The following FOXF1 variants were observed in gnomAD, a reference collection of about 807,000 sequenced individuals.
The protein encoded by FOXF1 is forkhead box protein F1.
A neutral mutation model predicts 26.6 loss-of-function variants in FOXF1; 9 were observed. That is an observed-to-expected ratio of 0.34 (90% confidence interval 0.20 to 0.59). The LOEUF is 0.59. Among genes scored for constraint, FOXF1 ranks in the 20% least tolerant of loss-of-function variants. The pLI is 0.83. For missense variants in FOXF1, 499 were observed against 549.9 expected (o/e 0.91, Z 0.93); for synonymous variants, 330 against 257.7 (o/e 1.28, Z -2.69).
chr16:86,510,599 A>G lies in FOXF1; in HGVS notation c.30A>G (p.Pro10=). The change falls in exon 1 of 2, where the codon CCA becomes CCG. Residue 10 remains proline, a synonymous_variant. Coordinates refer to ENST00000262426, the MANE Select transcript of FOXF1 (RefSeq NM_001451.3). ...CTTCGGCGCCCGAGAAGCAGCAGCC[A>G]CCGCACGGCGGCGGCGGCGGCGGCG... is the stretch of plus-strand genomic sequence containing the variant. The part of the protein sequence containing the change: MSSAPEKQQ[P]PHGGGGGGGG... The G allele has an allele frequency of 4.3e-6, 6 of 1,380,300 alleles. No homozygotes were observed. The highest frequency in any genetic ancestry group is 5.6e-6 in the Non-Finnish European group (6 of 1,076,416). The allele number at this position is 1,380,300 out of a possible 1,614,324, so 85.5% of individuals were successfully genotyped here.
In FOXF1 at chr16:86,511,088, G is replaced by T; in HGVS notation, c.519G>T (p.Gln173His). ...ACCTCCCGGACACCTACGGCTTCCA[G>T]GGCTCGGCCGGCGGCCTCTCGTGCC... Reference protein sequence around the residue: ...FNHLPDTYGFQGSAGGLSCPP... With the variant: ...FNHLPDTYGFHGSAGGLSCPP... The change falls in exon 1 of 2, where the codon CAG (glutamine) becomes CAT (histidine). Residue 173 changes from glutamine to histidine, a missense_variant. By Grantham distance (24) the Gln-to-His change is conservative. Coordinates refer to ENST00000262426, the MANE Select transcript of FOXF1 (RefSeq NM_001451.3). 6.2e-7 allele frequency: 1 copy of T among 1,608,420 alleles called. No individual in the cohort carries two copies. The highest frequency in any genetic ancestry group is 8.5e-7 in the Non-Finnish European group (1 of 1,179,852).
chr16:86,512,888 C>G (rs1461986984), intron 1 of FOXF1, 37 bp from the exon 2 acceptor site: 1 of 1,612,816 alleles, frequency 6.2e-7, no homozygotes, highest in Non-Finnish European at 8.5e-7. Context: ...GCTAACTCTT[C>G]TGCTCCCCCA....
Position 86,510,585 on chromosome 16 carries a change from G to A in FOXF1, c.16G>A (p.Glu6Lys). The change falls in exon 1 of 2, where the codon GAG (glutamate) becomes AAG (lysine). Residue 6 changes from glutamate (E) to lysine (K), a missense_variant. Glu to Lys is a moderately conservative substitution (Grantham distance 56, BLOSUM62 1). This residue lies in a region of FOXF1 where 76 missense variants were observed against 78.9 expected (regional missense o/e 0.96). Coordinates refer to ENST00000262426, the MANE Select transcript of FOXF1 (RefSeq NM_001451.3). ...CAGCCACCCGATGTCTTCGGCGCCC[G>A]AGAAGCAGCAGCCACCGCACGGCGG... MSSAP[E>K]KQQPPHGGGG... 7.3e-7 allele frequency: 1 copy of A among 1,376,126 alleles called. No homozygotes were observed. Among genetic ancestry groups the A allele is most frequent in the South Asian group, 1.8e-5 (1 of 55,684 alleles). The allele number at this position is 1,376,126 out of a possible 1,614,324, so 85.2% of individuals were successfully genotyped here.
rs1408160878 is a variant in FOXF1 at position 86,511,076 on chromosome 16, C to T, written c.507C>T (p.Thr169=). The T allele has an allele frequency of 3.1e-6, 5 of 1,609,994 alleles. No individual in the cohort carries two copies. The highest frequency in any genetic ancestry group is 1.7e-5 in the Admixed American group (1 of 60,032). Reference sequence around the variant, plus strand: ...TCGGCTTCAACCACCTCCCGGACACCTACGGCTTCCAGGGCTCGGCCGGCG... The same window carrying T: ...TCGGCTTCAACCACCTCCCGGACACTTACGGCTTCCAGGGCTCGGCCGGCG... ...NGLGFNHLPD[T]YGFQGSAGGL... is the part of the protein sequence containing the mutation. The change falls in exon 1 of 2, where the codon ACC becomes ACT. Residue 169 remains threonine (T), a synonymous_variant. Transcript: ENST00000262426.
At chr16:86,512,903 C>T (rs746857717) in intron 1 of FOXF1, 22 bp from the exon 2 acceptor site, 1 of 1,613,854 alleles carries the variant, frequency 6.2e-7, no homozygotes. Flanking sequence ...CCCCCAACCC[C>T]TCCTGTCGCC....
At chr16:86,512,818 G>A in intron 1 of FOXF1, 107 bp from the exon 2 acceptor site, 1 of 1,357,446 alleles carries the variant, frequency 7.4e-7, no homozygotes, top group Non-Finnish European at 1.0e-6. Flanking sequence ...GAGCCAGGCT[G>A]ACAGGCCCTG....
At position 86,513,864 on chromosome 16, in the gene FOXF1, C is replaced by G. The variant is rs532342471; in HGVS notation, c.*779C>G. On this transcript the variant is annotated 3_prime_UTR_variant, in exon 2 of 2. Transcript: ENST00000262426. ...TGTTTTGTCTTGAATTTTATTTAGA[C>G]TTTTTCAGTGGGTATTTTTCTGTCT... 8 of 152,368 alleles carry G rather than the reference C, an allele frequency of 5.3e-5. No individual in the cohort carries two copies. The South Asian group carries it at 1.7e-3, about 32-fold the overall frequency. The allele number at this position is 152,368 out of a possible 1,614,324, so 9.4% of individuals were successfully genotyped here.
Position 86,510,718 on chromosome 16 carries a change from C to G in FOXF1, c.149C>G (p.Pro50Arg). ...NAGIRRPEKPPYSYIALIVMA... is the reference protein window; with the variant it reads ...NAGIRRPEKPRYSYIALIVMA... ...GGCATCCGGCGCCCGGAGAAGCCGCCCTATTCCTACATCGCGCTCATCGTC... is the reference window on the plus strand; with the variant it reads ...GGCATCCGGCGCCCGGAGAAGCCGCGCTATTCCTACATCGCGCTCATCGTC... The change falls in exon 1 of 2, where the codon CCC becomes CGC. Residue 50 changes from proline to arginine, a missense_variant. By Grantham distance (103) the Pro-to-Arg change is moderately radical. Coordinates refer to ENST00000262426, the MANE Select transcript of FOXF1 (RefSeq NM_001451.3). The G allele has an allele frequency of 6.2e-7, 1 of 1,613,760 alleles. No homozygotes were observed. Among genetic ancestry groups the G allele is most frequent in the Non-Finnish European group, 8.5e-7 (1 of 1,180,014 alleles).
In FOXF1 at chr16:86,510,966, G is replaced by C. The variant is rs148498631; in HGVS notation, c.397G>C (p.Glu133Gln). The stretch of plus-strand genomic sequence containing the variant: ...CGACCCGGCCAGCGAGTTCATGTTC[G>C]AGGAGGGCTCCTTTCGGCGGCGGCC... Reference protein sequence around the residue: ...TIDPASEFMFEEGSFRRRPRG... With the variant: ...TIDPASEFMFQEGSFRRRPRG... The change falls in exon 1 of 2, where the codon GAG (glutamate) becomes CAG (glutamine). Residue 133 changes from glutamate (E) to glutamine (Q), a missense_variant. Coordinates refer to ENST00000262426, the MANE Select transcript of FOXF1 (RefSeq NM_001451.3). The C allele has an allele frequency of 1.2e-6, 2 of 1,613,616 alleles. No individual in the cohort carries two copies. Among genetic ancestry groups the C allele is most frequent in the African/African-American group, 1.3e-5 (1 of 74,930 alleles).
chr16:86,512,412 C>A (rs959374067), intron 1 of FOXF1, among the ~76,000 whole-genome samples: 9 of 152,222 alleles, frequency 5.9e-5, no homozygotes, highest in African/African-American at 1.9e-4. Context: ...GCCTGGAGGC[C>A]TTAGGCAGCC....
chr16:86,511,351 C>CT lies in FOXF1; in HGVS notation c.782_783insT (p.Val262ArgfsTer33). On this transcript the variant is annotated frameshift_variant, in exon 1 of 2. Transcript: ENST00000262426. LOFTEE classifies it high-confidence loss of function. ...GCCGGTGGGGTCATGGAGCCGCACGCCGTCTACTCGGGCTCGGCGGCGGCC... is the reference window on the plus strand; with the variant it reads ...GCCGGTGGGGTCATGGAGCCGCACGCTCGTCTACTCGGGCTCGGCGGCGGCC... 1 of 1,552,990 alleles carries CT rather than the reference C, an allele frequency of 6.4e-7. No individual in the cohort carries two copies. The highest frequency in any genetic ancestry group is 8.6e-7 in the Non-Finnish European group (1 of 1,158,708).
Position 86,510,623 on chromosome 16 carries a change from C to G in FOXF1, c.54C>G (p.Gly18=). Residue 18 remains glycine (G), a synonymous_variant, in exon 1 of 2, where the codon GGC becomes GGG. Transcript: ENST00000262426. Reference sequence around the variant, plus strand: ...CACCGCACGGCGGCGGCGGCGGCGGCGGCGGGGGAGGCGGCGCGGCCATGG... The same window carrying G: ...CACCGCACGGCGGCGGCGGCGGCGGGGGCGGGGGAGGCGGCGCGGCCATGG... ...QQPPHGGGGG[G]GGGGGAAMDP... is the part of the protein sequence containing the mutation. 1.4e-6 allele frequency: 2 copies of G among 1,397,346 alleles called. No individual in the cohort carries two copies. The highest frequency in any genetic ancestry group is 3.6e-5 in the Admixed American group (1 of 28,090). The allele number at this position is 1,397,346 out of a possible 1,614,324, so 86.6% of individuals were successfully genotyped here.
rs1392610305 is a variant in FOXF1, at chr16:86,510,625, GC to G, written c.57del (p.Gly21GlufsTer49). ...CCGCACGGCGGCGGCGGCGGCGGCGGCGGGGGAGGCGGCGCGGCCATGGACC... is the reference window on the plus strand; with the variant it reads ...CCGCACGGCGGCGGCGGCGGCGGCGGGGGGGAGGCGGCGCGGCCATGGACC... ...QPPHGGGGGGGGGGGAAMDPA... is the reference protein window; with the variant it reads ...QPPHGGGGGGXGGGGAAMDPA... On this transcript the variant is annotated frameshift_variant, in exon 1 of 2. Transcript: ENST00000262426. LOFTEE classifies it high-confidence loss of function. 1.4e-6 allele frequency: 2 copies of G among 1,397,782 alleles called. No individual in the cohort carries two copies. The highest frequency in any genetic ancestry group is 1.8e-6 in the Non-Finnish European group (2 of 1,083,686). The allele number at this position is 1,397,782 out of a possible 1,614,324, so 86.6% of individuals were successfully genotyped here. A position where few individuals can be genotyped will look rare whatever the true frequency, so the allele number is the denominator to read the frequency against.
rs778760552 is a variant in FOXF1 at position 86,510,939 on chromosome 16, A to G, written c.370A>G (p.Ile124Val). The change falls in exon 1 of 2, where the codon ATC (isoleucine) becomes GTC (valine). Residue 124 changes from isoleucine to valine, a missense_variant. Physicochemically the swap from Ile to Val is conservative, Grantham distance 29. Transcript: ENST00000262426. The part of the protein sequence containing the change: ...GRPGKGHYWT[I>V]DPASEFMFEE... ...GCCCGGCAAGGGCCACTACTGGACC[A>G]TCGACCCGGCCAGCGAGTTCATGTT... 5.0e-6 allele frequency: 8 copies of G among 1,613,604 alleles called. No individual in the cohort carries two copies. Among genetic ancestry groups the G allele is most frequent in the African/African-American group, 2.7e-5 (2 of 74,874 alleles).
At position 86,511,216 on chromosome 16, in the gene FOXF1, T is replaced by C. The variant is rs1368110558; in HGVS notation, c.647T>C (p.Leu216Pro). 8 of 1,541,910 alleles carry C rather than the reference T, an allele frequency of 5.2e-6. No individual in the cohort carries two copies. Among genetic ancestry groups the C allele is most frequent in the African/African-American group, 1.4e-5 (1 of 72,854 alleles). ...MALPSHSVPH[L>P]PSNGGHSYMG... Reference sequence around the variant, plus strand: ...CTGCCCAGCCACTCGGTGCCCCACCTGCCTTCCAACGGCGGCCACTCGTAC... The same window carrying C: ...CTGCCCAGCCACTCGGTGCCCCACCCGCCTTCCAACGGCGGCCACTCGTAC... Residue 216 changes from leucine to proline, a missense_variant, in exon 1 of 2, where the codon CTG (leucine) becomes CCG (proline). Physicochemically the swap from Leu to Pro is moderately conservative, Grantham distance 98. Coordinates refer to ENST00000262426, the MANE Select transcript of FOXF1 (RefSeq NM_001451.3).
chr16:86,511,345 C>G lies in FOXF1; in HGVS notation c.776C>G (p.Pro259Arg), dbSNP rs1969561098. The change falls in exon 1 of 2, where the codon CCG becomes CGG. Residue 259 changes from proline to arginine, a missense_variant. This residue lies in a region of FOXF1 where 367 missense variants were observed against 324.8 expected (regional missense o/e 1.13). Transcript: ENST00000262426. The stretch of plus-strand genomic sequence containing the variant: ...ACCGGCGCCGGTGGGGTCATGGAGC[C>G]GCACGCCGTCTACTCGGGCTCGGCG... ...LPTGAGGVMEPHAVYSGSAAA... is the reference protein window; with the variant it reads ...LPTGAGGVMERHAVYSGSAAA... The G allele has an allele frequency of 1.9e-6, 3 of 1,543,352 alleles. No homozygotes were observed. The African/African-American group carries it at 4.1e-5, about 21-fold the overall frequency.
chr16:86,512,955 G>C lies in FOXF1; in HGVS notation c.1010G>C (p.Ser337Thr). 6.2e-7 allele frequency: 1 copy of C among 1,614,152 alleles called. No individual in the cohort carries two copies. Among genetic ancestry groups the C allele is most frequent in the Non-Finnish European group, 8.5e-7 (1 of 1,180,044 alleles). ...GIPRYHSQSP[S>T]MCDRKEFVFS... ...CCGCGGTATCACTCGCAGTCGCCCAGCATGTGTGACCGAAAGGAGTTTGTC... is the reference window on the plus strand; with the variant it reads ...CCGCGGTATCACTCGCAGTCGCCCACCATGTGTGACCGAAAGGAGTTTGTC... The change falls in exon 2 of 2, where the codon AGC becomes ACC. Residue 337 changes from serine to threonine, a missense_variant. By Grantham distance (58) the Ser-to-Thr change is moderately conservative. Coordinates refer to ENST00000262426, the MANE Select transcript of FOXF1 (RefSeq NM_001451.3).
At position 86,511,176 on chromosome 16, in the gene FOXF1, G is replaced by A. The variant is rs1362905724; in HGVS notation, c.607G>A (p.Val203Met). 1.9e-6 allele frequency: 3 copies of A among 1,579,996 alleles called. No individual in the cohort carries two copies. The highest frequency in any genetic ancestry group is 8.5e-7 in the Non-Finnish European group (1 of 1,171,108). ...GATGAACGGCCACTTGCCGGGCAAC[G>A]TGGACGGCATGGCCCTGCCCAGCCA... ...GMMNGHLPGN[V>M]DGMALPSHSV... The change falls in exon 1 of 2, where the codon GTG becomes ATG. Residue 203 changes from valine (V) to methionine (M), a missense_variant. By Grantham distance (21) the Val-to-Met change is conservative (BLOSUM62 1). Transcript: ENST00000262426.
chr16:86,512,956 C>T lies in FOXF1; in HGVS notation c.1011C>T (p.Ser337=). Reference sequence around the variant, plus strand: ...CGCGGTATCACTCGCAGTCGCCCAGCATGTGTGACCGAAAGGAGTTTGTCT... The same window carrying T: ...CGCGGTATCACTCGCAGTCGCCCAGTATGTGTGACCGAAAGGAGTTTGTCT... ...GIPRYHSQSP[S]MCDRKEFVFS... Residue 337 remains serine (S), a synonymous_variant, in exon 2 of 2, where the codon AGC becomes AGT. Transcript: ENST00000262426. The T allele has an allele frequency of 6.2e-7, 1 of 1,614,184 alleles. No homozygotes were observed. The highest frequency in any genetic ancestry group is 1.6e-4 in the Middle Eastern group (1 of 6,062).
Sources: allele counts gnomAD v4.1 joint callset (sites outside exome capture counted in the v4.1 genomes callset), GRCh38; gene constraint gnomAD v4.1.1; regional missense constraint gnomAD v4.1.1; transcripts MANE v1.5; gene names NCBI Gene and HGNC (gene_info 2026-07-23, HGNC 2026-07-21).